Variants in STXBP6 observed in about 807,000 individuals in gnomAD.
STXBP6 encodes the protein syntaxin-binding protein 6.
STXBP6 carries 21 observed loss-of-function variants against 26.9 expected under a neutral mutation model. The observed-to-expected ratio is 0.78, with a 90% CI of 0.55 to 1.12. The LOEUF (loss-of-function observed/expected upper bound fraction) is 1.12. Ranked by LOEUF, STXBP6 falls within the 50% of genes most tolerant of loss-of-function variation. STXBP6 has a pLI of 0.00. For synonymous variants in STXBP6, 97 were observed against 92.6 expected (o/e 1.05, Z -0.27); for missense variants, 232 against 257.9 (o/e 0.90, Z 0.69).
chr14:24,944,115 C>CAAAAAGCTAT (rs1798073066), intron 2 of STXBP6, among the ~76,000 whole-genome samples: 1 of 152,180 alleles, frequency 6.6e-6, no homozygotes. Flanking sequence ...GGCTATGCAA[C>CAAAAAGCTAT]AAAAAGCTAT....
chr14:25,035,269 G>C (rs1454652269), intron 1 of STXBP6, among the ~76,000 whole-genome samples: 1 of 152,106 alleles, frequency 6.6e-6, no homozygotes, highest in Non-Finnish European at 1.5e-5. Context: ...ATGACAATGG[G>C]ACCTGACCTA....
chr14:24,866,055 G>A (rs1020327121), intron 2 of STXBP6, among the ~76,000 whole-genome samples: 3 of 152,110 alleles, frequency 2.0e-5, no homozygotes, highest in Admixed American at 1.3e-4. Flanking sequence ...TATTCTGGGT[G>A]GTTTGATGAA....
chr14:24,899,377 T>A (rs2071118421), intron 2 of STXBP6, among the ~76,000 whole-genome samples: 1 of 152,212 alleles, frequency 6.6e-6, no homozygotes, highest in South Asian at 2.1e-4. Flanking sequence ...AGAGAAATTA[T>A]TCCATGCCAG....
chr14:24,829,746 T>C (rs1414074180), intron 4 of STXBP6, among the ~76,000 whole-genome samples: 1 of 151,964 alleles, frequency 6.6e-6, no homozygotes, highest in African/African-American at 2.4e-5. Flanking sequence ...GGGAACACCG[T>C]TGTAGGCAAA....
chr14:24,817,561 GT>G (rs1229910489), intron 5 of STXBP6: 1 of 166,402 alleles, frequency 6.0e-6, no homozygotes, highest in African/African-American at 2.4e-5. Context: ...CAACTTAAAT[GT>G]TTCCCCAGAT....
intron 2 of STXBP6, among the ~76,000 whole-genome samples, chr14:24,945,139 A>ATTTTTTTTTTTT (rs552562019): frequency 0.03 from 3,042 of 100,656 alleles, 858 homozygotes; most frequent in Non-Finnish European, 0.04. Flanking sequence ...CCAATTAGGA[A>ATTTTTTTTTTTT]TTTTTTTTTT....
At chr14:24,908,030 C>A (rs909348206) in intron 2 of STXBP6, among the ~76,000 whole-genome samples, 3 of 152,062 alleles carry the variant, frequency 2.0e-5, no homozygotes, top group Non-Finnish European at 4.4e-5. Flanking sequence ...AAGCAATGAC[C>A]CCATTTGGGT....
chr14:24,970,866 G>C (rs887072444), intron 2 of STXBP6, among the ~76,000 whole-genome samples: 7 of 152,130 alleles, frequency 4.6e-5, no homozygotes, highest in Admixed American at 2.0e-4. Flanking sequence ...TTAACACTTG[G>C]TATTGTCAGT....
rs1008380570 is a variant in STXBP6 at position 24,811,908 on chromosome 14, A to G, written c.*801T>C. The G allele has an allele frequency of 6.6e-6, 1 of 152,190 alleles. No individual in the cohort carries two copies. Among genetic ancestry groups the G allele is most frequent in the Non-Finnish European group, 1.5e-5 (1 of 68,034 alleles). 9.4% of individuals were successfully genotyped at this position (152,190 alleles called of 1,614,324 possible). ...CTTTTCCATACCAGCGACCATCACTATGACAGTGACAAGAGAAACATCTGT... is the reference window on the plus strand; with the variant it reads ...CTTTTCCATACCAGCGACCATCACTGTGACAGTGACAAGAGAAACATCTGT... On this transcript the variant is annotated 3_prime_UTR_variant, in exon 6 of 6. Transcript: ENST00000323944.
chr14:24,933,119 T>C (rs959373044), intron 2 of STXBP6, among the ~76,000 whole-genome samples: 1 of 152,186 alleles, frequency 6.6e-6, no homozygotes, highest in Non-Finnish European at 1.5e-5. Flanking sequence ...GGCGGATGGA[T>C]TGCTTGATCT....
rs147301120 is a variant in STXBP6, at chr14:24,990,524, G to A, written c.-32-15674C>T. Among the ~76,000 whole-genome samples, 224 of 152,126 alleles carry A rather than the reference G, an allele frequency of 1.5e-3. 1 individual carries two copies. The highest frequency in any genetic ancestry group is 5.3e-3 in the African/African-American group (218 of 41,488). The stretch of plus-strand genomic sequence containing the variant: ...AAATACAAAATTAGCCGGGCGTGAT[G>A]GTGCAGGCCTGTAATCCCAGCTACT... On this transcript the variant is annotated intron_variant, in intron 1 of 5. Coordinates refer to ENST00000323944, the MANE Select transcript of STXBP6 (RefSeq NM_001394410.1).
At chr14:24,963,151 G>C (rs562626716) in intron 2 of STXBP6, among the ~76,000 whole-genome samples, 2 of 152,154 alleles carry the variant, frequency 1.3e-5, no homozygotes, top group Admixed American at 1.3e-4. Context: ...TATACATTTA[G>C]AGGAGGCACA....
chr14:25,009,539 C>T (rs1163447691), intron 1 of STXBP6, among the ~76,000 whole-genome samples: 1 of 152,180 alleles, frequency 6.6e-6, no homozygotes. Flanking sequence ...AATCTCCTCC[C>T]TCAGTGAAAC....
At chr14:24,868,825 C>T (rs2069818843) in intron 2 of STXBP6, among the ~76,000 whole-genome samples, 2 of 152,106 alleles carry the variant, frequency 1.3e-5, no homozygotes, top group Admixed American at 6.5e-5. Flanking sequence ...ATAGTCTAAC[C>T]CACTCTTCAT....
intron 4 of STXBP6, among the ~76,000 whole-genome samples, chr14:24,826,288 A>G (rs992747520): frequency 6.6e-6 from 1 of 152,124 alleles, no homozygotes; most frequent in African/African-American, 2.4e-5. Context: ...CACCTGTCCT[A>G]GGGATTGGTC....
intron 1 of STXBP6, among the ~76,000 whole-genome samples, chr14:25,002,167 A>C (rs573027409): frequency 5.9e-5 from 9 of 152,322 alleles, no homozygotes; most frequent in Admixed American, 2.0e-4. Context: ...ATTATTTCAC[A>C]TAAGTAGATG....
intron 2 of STXBP6, among the ~76,000 whole-genome samples, chr14:24,892,415 G>T (rs2070824384): frequency 6.6e-6 from 1 of 152,142 alleles, no homozygotes; most frequent in South Asian, 2.1e-4. Flanking sequence ...TTCAGAGGTT[G>T]CCAGAGGACT....
chr14:24,916,294 A>G (rs1321673778), intron 2 of STXBP6, among the ~76,000 whole-genome samples: 1 of 152,120 alleles, frequency 6.6e-6, no homozygotes, highest in Admixed American at 6.6e-5. Flanking sequence ...TTATTCTTAA[A>G]TCAGCTGGGG....
At chr14:24,886,551 C>T (rs943175845) in intron 2 of STXBP6, among the ~76,000 whole-genome samples, 44 of 151,314 alleles carry the variant, frequency 2.9e-4, no homozygotes, top group Non-Finnish European at 5.2e-4. Context: ...ATTCAGATGA[C>T]ATGTTCTTGT....
Sources: allele counts gnomAD v4.1 joint callset (sites outside exome capture counted in the v4.1 genomes callset), GRCh38; gene constraint gnomAD v4.1.1; transcripts MANE v1.5; gene names NCBI Gene and HGNC (gene_info 2026-07-23, HGNC 2026-07-21).